Variants in PSD3 observed in about 807,000 individuals in gnomAD.
The protein encoded by PSD3 is PH and SEC7 domain-containing protein 3.
A neutral mutation model predicts 105.5 loss-of-function variants in PSD3; 49 were observed. That is an observed-to-expected ratio of 0.46 (90% CI 0.37 to 0.59). The LOEUF (loss-of-function observed/expected upper bound fraction) is 0.59, where lower values mean the gene tolerates loss of function less well. Ranked by LOEUF, PSD3 falls within the 20% of genes least tolerant of loss-of-function variation. The probability of loss-of-function intolerance (pLI) is 0.00; values close to 1 mark genes in which losing one functional copy is unlikely to be tolerated. For synonymous variants in PSD3, 557 were observed against 457.8 expected (o/e 1.22, Z -2.77); for missense variants, 1,561 against 1,263.8 (o/e 1.24, Z -3.57).
At chr8:18,963,403 G>A (rs189424989) in intron 1 of PSD3, among the ~76,000 whole-genome samples, 158 of 152,272 alleles carry the variant, frequency 1.0e-3, no homozygotes, top group African/African-American at 3.6e-3. Flanking sequence ...GCAAATACCA[G>A]AGCCTCTGAC....
intron 10 of PSD3, among the ~76,000 whole-genome samples, chr8:18,647,974 G>A (rs993485640): frequency 6.6e-6 from 1 of 152,150 alleles, no homozygotes; most frequent in Non-Finnish European, 1.5e-5. Context: ...CCCAGAAGCT[G>A]AGCAGATGCC....
intron 4 of PSD3, among the ~76,000 whole-genome samples, chr8:18,822,269 A>G (rs1320899191): frequency 6.6e-6 from 1 of 151,868 alleles, no homozygotes; most frequent in African/African-American, 2.4e-5. Flanking sequence ...GAAATATCCT[A>G]AGAAGAAGTA....
At chr8:18,613,366 C>G (rs543820846) in intron 11 of PSD3, among the ~76,000 whole-genome samples, 2 of 152,080 alleles carry the variant, frequency 1.3e-5, no homozygotes, top group Non-Finnish European at 2.9e-5. Flanking sequence ...TGGTCTCTCT[C>G]GTTTCTGTGT....
At chr8:18,942,329 A>T (rs750602413) in intron 1 of PSD3, among the ~76,000 whole-genome samples, 16 of 152,206 alleles carry the variant, frequency 1.1e-4, no homozygotes, top group Admixed American at 1.0e-3. Flanking sequence ...CACACTCTGC[A>T]CTTGATCCTG....
chr8:18,797,184 T>C (rs1810262610), intron 8 of PSD3, among the ~76,000 whole-genome samples: 1 of 152,188 alleles, frequency 6.6e-6, no homozygotes. Flanking sequence ...GCATGCATTA[T>C]GGAAAACTAA....
intron 1 of PSD3, among the ~76,000 whole-genome samples, chr8:19,066,586 C>G (rs1297174761): frequency 6.6e-6 from 1 of 152,194 alleles, no homozygotes; most frequent in East Asian, 1.9e-4. Flanking sequence ...TTCTACTCCA[C>G]AGTCAATACA....
intron 1 of PSD3, among the ~76,000 whole-genome samples, chr8:18,947,916 T>A (rs1822969571): frequency 6.6e-6 from 1 of 152,114 alleles, no homozygotes; most frequent in Non-Finnish European, 1.5e-5. Flanking sequence ...AAAACTAAAG[T>A]AGGATAGAGG....
At chr8:18,936,343 T>TA (rs1183518861) in intron 1 of PSD3, among the ~76,000 whole-genome samples, 11 of 152,144 alleles carry the variant, frequency 7.2e-5, no homozygotes, top group African/African-American at 2.7e-4. Context: ...TATAGCTATA[T>TA]AAAAAATGTA....
intron 14 of PSD3, among the ~76,000 whole-genome samples, chr8:18,565,326 A>G (rs1004471922): frequency 4.6e-5 from 7 of 152,312 alleles, no homozygotes; most frequent in African/African-American, 1.7e-4. Flanking sequence ...AGGAGAAGCA[A>G]AACTTGTATT....
intron 4 of PSD3, among the ~76,000 whole-genome samples, chr8:18,855,836 C>T (rs1211080738): frequency 6.6e-6 from 1 of 152,196 alleles, no homozygotes; most frequent in Non-Finnish European, 1.5e-5. Context: ...GTTTGCAATT[C>T]ATCTGAAATA....
intron 11 of PSD3, among the ~76,000 whole-genome samples, chr8:18,632,220 A>G (rs990744945): frequency 1.3e-5 from 2 of 152,052 alleles, no homozygotes; most frequent in African/African-American, 4.8e-5. Flanking sequence ...TAATTTTTCT[A>G]TGCGTTGCAA....
intron 4 of PSD3, among the ~76,000 whole-genome samples, chr8:18,834,452 G>C (rs1409958150): frequency 1.3e-5 from 2 of 152,170 alleles, no homozygotes; most frequent in Admixed American, 6.5e-5. Flanking sequence ...CTGCATCCTT[G>C]TGTCAGGGCT....
At chr8:18,992,456 G>C (rs17384852) in intron 1 of PSD3, among the ~76,000 whole-genome samples, 18,974 of 152,162 alleles carry the variant, frequency 0.12, 1,303 homozygotes, top group Non-Finnish European at 0.16. Context: ...GATAAATTCA[G>C]AGAGCCACTA....
intron 9 of PSD3, among the ~76,000 whole-genome samples, chr8:18,724,200 G>A (rs1471740270): frequency 1.3e-5 from 2 of 152,080 alleles, no homozygotes; most frequent in Non-Finnish European, 2.9e-5. Flanking sequence ...CGAGTAGAGG[G>A]GTAATGCCTG....
At chr8:19,081,023 G>T (rs1829629480) in intron 1 of PSD3, among the ~76,000 whole-genome samples, 1 of 152,040 alleles carries the variant, frequency 6.6e-6, no homozygotes, top group African/African-American at 2.4e-5. Flanking sequence ...CTTATCTTTA[G>T]CCCCAAGTTC....
chr8:18,672,463 G>C (rs977906939), intron 9 of PSD3, among the ~76,000 whole-genome samples: 1 of 152,154 alleles, frequency 6.6e-6, no homozygotes, highest in Non-Finnish European at 1.5e-5. Context: ...ATGGAAATAG[G>C]TTTTATTCAA....
At chr8:18,855,977 A>C (rs1034631698) in intron 4 of PSD3, among the ~76,000 whole-genome samples, 1 of 152,234 alleles carries the variant, frequency 6.6e-6, no homozygotes, top group Non-Finnish European at 1.5e-5. Flanking sequence ...TGAGTGCAGC[A>C]ACACCTGTTC....
upstream of PSD3, among the ~76,000 whole-genome samples, chr8:19,016,333 T>C (rs1379013825): frequency 6.6e-6 from 1 of 152,138 alleles, no homozygotes; most frequent in Non-Finnish European, 1.5e-5. Context: ...GGAGAGACTA[T>C]ATAGTAGGCA....
At chr8:18,796,097 A>G (rs1480483092) in intron 8 of PSD3, among the ~76,000 whole-genome samples, 2 of 152,210 alleles carry the variant, frequency 1.3e-5, no homozygotes, top group African/African-American at 4.8e-5. Context: ...AGACAAGTAA[A>G]AACAAGTAGA....
Sources: gnomAD v4.1 joint callset for allele counts (sites outside exome capture counted in the v4.1 genomes callset) on GRCh38, gnomAD v4.1.1 for gene constraint, MANE v1.5 for transcripts, NCBI Gene and HGNC (gene_info 2026-07-23, HGNC 2026-07-21) for gene names.